SOX5: variants seen among roughly 807,000 people sequenced by gnomAD.
SOX5 encodes SRY-box transcription factor 5, also known as transcription factor SOX-5.
Under a neutral mutation model 92.0 loss-of-function variants are expected in SOX5, and 9 were observed. The observed-to-expected ratio is 0.10, with a 90% CI of 0.06 to 0.17. SOX5 has a LOEUF of 0.17. Among genes scored for constraint, SOX5 ranks in the 10% least tolerant of loss-of-function variants. SOX5 has a pLI of 1.00. For missense variants in SOX5, 642 were observed against 944.5 expected, an observed-to-expected ratio of 0.68 and a Z score of 4.20; for synonymous variants, 344 against 336.3, an observed-to-expected ratio of 1.02 and a Z score of -0.25.
intron 3 of SOX5, among the ~76,000 whole-genome samples, chr12:23,777,611 A>T (rs1211503338): frequency 6.6e-6 from 1 of 152,200 alleles, no homozygotes; most frequent in African/African-American, 2.4e-5. Flanking sequence ...TAACTTATAT[A>T]TGCATGCATA....
In SOX5 at chr12:23,530,827, G is replaced by GCA. The variant is rs1938880227; in HGVS notation, c.*3391_*3392insTG. The GCA allele has an allele frequency of 1.3e-5, 2 of 148,252 alleles. No homozygotes were observed. The highest frequency in any genetic ancestry group is 2.1e-4 in the South Asian group (1 of 4,658). The allele number at this position is 148,252 out of a possible 1,614,324, so 9.2% of individuals were successfully genotyped here. ...TGTGTGTGTGTGTGTGTGCGCGCGCGCGCGCGCGCATGTGAGAGAGAGAGA... is the reference window on the plus strand; with the variant it reads ...TGTGTGTGTGTGTGTGTGCGCGCGCGCACGCGCGCGCATGTGAGAGAGAGAGA... On this transcript the variant is annotated 3_prime_UTR_variant, in exon 15 of 15. Coordinates refer to ENST00000451604, the MANE Select transcript of SOX5 (RefSeq NM_006940.6).
At chr12:24,479,386 C>T (rs1465007073) in intron 1 of SOX5, among the ~76,000 whole-genome samples, 2 of 152,184 alleles carry the variant, frequency 1.3e-5, no homozygotes, top group African/African-American at 4.8e-5. Context: ...CTATTAAGTG[C>T]TTACCTCGGC....
At chr12:24,202,671 C>T (rs1476085215) in intron 4 of SOX5, among the ~76,000 whole-genome samples, 2 of 152,082 alleles carry the variant, frequency 1.3e-5, no homozygotes. Context: ...AAGGGTCCTG[C>T]CAGGTTATTT....
chr12:24,006,459 C>G (rs1952175796), intron 4 of SOX5, among the ~76,000 whole-genome samples: 1 of 151,998 alleles, frequency 6.6e-6, no homozygotes, highest in African/African-American at 2.4e-5. Flanking sequence ...TTTTCTGCTT[C>G]TGGTGGGTTT....
intron 4 of SOX5, among the ~76,000 whole-genome samples, chr12:24,123,553 T>G (rs980446103): frequency 6.6e-6 from 1 of 152,330 alleles, no homozygotes; most frequent in Non-Finnish European, 1.5e-5. Flanking sequence ...ATCATGTAGT[T>G]GAAATGTGAA....
intron 3 of SOX5, among the ~76,000 whole-genome samples, chr12:23,841,490 C>T (rs2096514989): frequency 6.6e-6 from 1 of 152,038 alleles, no homozygotes; most frequent in South Asian, 2.1e-4. Flanking sequence ...TAAAAAGCTG[C>T]ACATGAGTAT....
At chr12:23,665,299 T>C in intron 7 of SOX5, 145 bp downstream of exon 7, 1 of 871,114 alleles carries the variant, frequency 1.1e-6, no homozygotes, top group South Asian at 1.5e-5. Context: ...ACTAACACAC[T>C]TCTCCACACA....
intron 4 of SOX5, chr12:24,212,516 A>AGGAT (rs757597597): frequency 3.8e-6 from 2 of 530,252 alleles, no homozygotes; most frequent in Non-Finnish European, 3.9e-6. Context: ...CAAGGAAGGA[A>AGGAT]GGATTACAAG....
chr12:24,528,248 G>T (rs181512605), intron 1 of SOX5, among the ~76,000 whole-genome samples: 70 of 152,242 alleles, frequency 4.6e-4, no homozygotes, highest in Non-Finnish European at 9.1e-4. Flanking sequence ...TGGCAGAGTC[G>T]GCTCTGCTGG....
In SOX5 at chr12:24,170,831, C is replaced by T. The variant is rs928276598; in HGVS notation, c.-2+42512G>A. 3.3e-5 allele frequency among the ~76,000 whole-genome samples: 5 copies of T among 152,300 alleles called. No homozygotes were observed. In the East Asian group the frequency reaches 5.8e-4, roughly 18 times the overall value. On this transcript the variant is annotated intron_variant, in intron 4 of 4. Coordinates refer to the SOX5 transcript ENST00000446891. ...GAATATTGCGGTGCCACTAATGAGA[C>T]GCCTTGGCCAAGCCACTGCTGCACC...
intron 1 of SOX5, among the ~76,000 whole-genome samples, chr12:24,385,678 C>T (rs953443436): frequency 7.9e-5 from 12 of 151,948 alleles, no homozygotes; most frequent in African/African-American, 1.5e-4. Context: ...ATATGGCAGC[C>T]GGGCATGGTG....
intron 1 of SOX5, among the ~76,000 whole-genome samples, chr12:24,456,842 C>T (rs1298857109): frequency 6.6e-6 from 1 of 152,202 alleles, no homozygotes; most frequent in Non-Finnish European, 1.5e-5. Context: ...TAAAAATCAA[C>T]AATGCTACAC....
intron 4 of SOX5, among the ~76,000 whole-genome samples, chr12:24,197,563 T>C (rs1046641711): frequency 3.3e-5 from 5 of 152,102 alleles, no homozygotes; most frequent in African/African-American, 1.2e-4. Flanking sequence ...GAGATGTAAA[T>C]GGAAGTGGGG....
chr12:23,593,868 G>C (rs753948750), intron 9 of SOX5, among the ~76,000 whole-genome samples: 6 of 152,004 alleles, frequency 3.9e-5, no homozygotes, highest in Non-Finnish European at 8.8e-5. Flanking sequence ...AAAAAGGAGA[G>C]AGAGAGAGAG....
chr12:23,545,753 G>A (rs1379030121), intron 12 of SOX5, among the ~76,000 whole-genome samples: 25 of 151,990 alleles, frequency 1.6e-4, no homozygotes, highest in Admixed American at 1.6e-3. Flanking sequence ...ATAGGGAAGT[G>A]AGGCCGCATG....
intron 4 of SOX5, among the ~76,000 whole-genome samples, chr12:24,204,974 G>A (rs1957880731): frequency 6.6e-6 from 1 of 152,024 alleles, no homozygotes; most frequent in Non-Finnish European, 1.5e-5. Context: ...ACAAGGAGCT[G>A]GGAAAAAAAT....
At chr12:24,166,473 G>C (rs1364771741) in intron 4 of SOX5, among the ~76,000 whole-genome samples, 2 of 152,158 alleles carry the variant, frequency 1.3e-5, no homozygotes, top group Admixed American at 6.5e-5. Flanking sequence ...AGCAATACAA[G>C]AAACAGTGAG....
At chr12:24,352,359 C>A (rs1171515195) in intron 2 of SOX5, among the ~76,000 whole-genome samples, 1 of 151,990 alleles carries the variant, frequency 6.6e-6, no homozygotes, top group Non-Finnish European at 1.5e-5. Flanking sequence ...CAAAGCAATC[C>A]TCAAATGGCT....
intron 4 of SOX5, among the ~76,000 whole-genome samples, chr12:24,101,591 C>G (rs994922769): frequency 6.6e-6 from 1 of 152,022 alleles, no homozygotes; most frequent in Non-Finnish European, 1.5e-5. Flanking sequence ...ATTCGTAAAC[C>G]GTCGAATAAA....
Sources: gnomAD v4.1 joint callset for allele counts (sites outside exome capture counted in the v4.1 genomes callset) on GRCh38, gnomAD v4.1.1 for gene constraint, MANE v1.5 for transcripts, NCBI Gene and HGNC (gene_info 2026-07-23, HGNC 2026-07-21) for gene names.